Variants in CHODL observed in about 807,000 individuals in gnomAD.
CHODL encodes chondrolectin.
In CHODL, 29 loss-of-function variants were observed where a neutral mutation model predicts 34.5. That is an observed-to-expected ratio of 0.84 (90% CI 0.63 to 1.15). The LOEUF (loss-of-function observed/expected upper bound fraction) is 1.15, where lower values mean the gene tolerates loss of function less well. CHODL is among the 50% of genes most tolerant of loss of function. The probability of loss-of-function intolerance (pLI) is 0.00; values close to 1 mark genes in which losing one functional copy is unlikely to be tolerated. For missense variants in CHODL, 332 were observed against 332.5 expected (o/e 1.00, Z 0.01); for synonymous variants, 125 against 116.1 (o/e 1.08, Z -0.49).
At chr21:18,117,465 G>T (rs2065426390) in intron 2 of CHODL, among the ~76,000 whole-genome samples, 1 of 152,148 alleles carries the variant, frequency 6.6e-6, no homozygotes. Context: ...GGCTTCTCCT[G>T]CCTCCTTGGT....
chr21:18,219,577 C>T (rs1317613721), intron 2 of CHODL, among the ~76,000 whole-genome samples: 4 of 152,116 alleles, frequency 2.6e-5, no homozygotes, highest in Admixed American at 2.6e-4. Context: ...TCTCCACATC[C>T]TCCCAAACTC....
intron 2 of CHODL, among the ~76,000 whole-genome samples, chr21:18,083,780 G>A (rs1024362851): frequency 6.6e-6 from 1 of 152,176 alleles, no homozygotes; most frequent in Non-Finnish European, 1.5e-5. Context: ...TTTATCCAAT[G>A]CCTGTATTCC....
chr21:18,184,449 AATG>A (rs764746106), intron 2 of CHODL, among the ~76,000 whole-genome samples: 10 of 152,338 alleles, frequency 6.6e-5, no homozygotes, highest in East Asian at 5.8e-4. Context: ...TGAAGAATTA[AATG>A]ATGATAGGAA....
chr21:17,989,755 C>T (rs769123194), intron 1 of CHODL, among the ~76,000 whole-genome samples: 11 of 152,168 alleles, frequency 7.2e-5, no homozygotes, highest in Non-Finnish European at 1.6e-4. Flanking sequence ...TATTTACAAT[C>T]CACGTAAACA....
chr21:18,019,757 G>A (rs796584799), intron 1 of CHODL, among the ~76,000 whole-genome samples: 4 of 152,008 alleles, frequency 2.6e-5, no homozygotes, highest in African/African-American at 9.6e-5. Flanking sequence ...CATCTCTTAC[G>A]CACATTACAT....
At chr21:17,921,631 G>A (rs1190366033) in intron 1 of CHODL, among the ~76,000 whole-genome samples, 1 of 152,232 alleles carries the variant, frequency 6.6e-6, no homozygotes, top group Non-Finnish European at 1.5e-5. Flanking sequence ...GAATTGAGAC[G>A]TGTGAGAAAT....
At chr21:18,248,275 T>C (rs1000213435) in intron 1 of CHODL, among the ~76,000 whole-genome samples, 1 of 151,728 alleles carries the variant, frequency 6.6e-6, no homozygotes, top group African/African-American at 2.4e-5. Flanking sequence ...TAATACAATA[T>C]GATATAATAT....
chr21:17,951,126 G>GTGTA (rs925821318), intron 1 of CHODL, among the ~76,000 whole-genome samples: 15 of 151,906 alleles, frequency 9.9e-5, no homozygotes, highest in African/African-American at 2.2e-4. Flanking sequence ...GTGTGTGTGT[G>GTGTA]TGTGTGTGTG....
At chr21:18,127,587 C>G (rs868273608) in intron 2 of CHODL, among the ~76,000 whole-genome samples, 5 of 148,816 alleles carry the variant, frequency 3.4e-5, no homozygotes, top group Middle Eastern at 7.5e-3. Context: ...AAAACATGTC[C>G]AAGAATTGGC....
upstream of CHODL, among the ~76,000 whole-genome samples, chr21:18,240,221 G>A (rs552633575): frequency 9.2e-5 from 14 of 152,004 alleles, no homozygotes; most frequent in Non-Finnish European, 1.8e-4. Flanking sequence ...TAGAAGCATA[G>A]CATCTATATA....
chr21:18,116,760 A>ACCTGCTAGGGAGTT (rs2065418156), intron 2 of CHODL, among the ~76,000 whole-genome samples: 2 of 152,206 alleles, frequency 1.3e-5, no homozygotes, highest in African/African-American at 4.8e-5. Flanking sequence ...TGGGTGAATC[A>ACCTGCTAGGGAGTT]GAAGACGTCA....
chr21:18,091,977 C>T (rs570658349), intron 2 of CHODL, among the ~76,000 whole-genome samples: 60 of 152,094 alleles, frequency 3.9e-4, no homozygotes, highest in Non-Finnish European at 8.1e-4. Context: ...TGACTTCAAT[C>T]TCTGGCTCCC....
At chr21:18,155,568 T>C (rs1466722098) in intron 2 of CHODL, among the ~76,000 whole-genome samples, 1 of 152,210 alleles carries the variant, frequency 6.6e-6, no homozygotes, top group Non-Finnish European at 1.5e-5. Flanking sequence ...CCAAGAAGAA[T>C]GTGAATTCAA....
intron 1 of CHODL, among the ~76,000 whole-genome samples, chr21:17,999,014 C>G (rs1210226347): frequency 6.6e-6 from 1 of 152,174 alleles, no homozygotes; most frequent in African/African-American, 2.4e-5. Flanking sequence ...TTTTCTGAAC[C>G]TTTATGCTGT....
At chr21:18,177,654 C>T (rs753283194) in intron 2 of CHODL, among the ~76,000 whole-genome samples, 44 of 152,024 alleles carry the variant, frequency 2.9e-4, no homozygotes, top group Non-Finnish European at 4.1e-4. Context: ...TGAACAAAAT[C>T]GTACCAGTCT....
At chr21:18,259,312 G>C (rs2074352594) in intron 3 of CHODL, among the ~76,000 whole-genome samples, 1 of 151,546 alleles carries the variant, frequency 6.6e-6, no homozygotes, top group Admixed American at 6.6e-5. Flanking sequence ...TTAAGGAAAA[G>C]AAAAATAGAA....
At chr21:18,086,041 CTTTTTTTTTTTTTTT>C (rs3984977) in intron 2 of CHODL, among the ~76,000 whole-genome samples, 29 of 38,750 alleles carry the variant, frequency 7.5e-4, no homozygotes, top group African/African-American at 2.2e-3. Flanking sequence ...AGACTTTGTT[CTTTTTTTTTTTTTTT>C]TTTTTTTTTT....
intron 1 of CHODL, among the ~76,000 whole-genome samples, chr21:17,932,960 A>C (rs113863581): frequency 2.6e-5 from 4 of 152,314 alleles, no homozygotes; most frequent in South Asian, 2.1e-4. Flanking sequence ...AGTGGAGAGA[A>C]GGTCAGCAGA....
At chr21:18,047,319 A>T (rs2064456338) in intron 2 of CHODL, among the ~76,000 whole-genome samples, 1 of 151,968 alleles carries the variant, frequency 6.6e-6, no homozygotes, top group South Asian at 2.1e-4. Flanking sequence ...GGCATTGATA[A>T]TTGTGAGAGA....
Sources: allele counts gnomAD v4.1 joint callset (sites outside exome capture counted in the v4.1 genomes callset), GRCh38; gene constraint gnomAD v4.1.1; transcripts MANE v1.5; gene names NCBI Gene and HGNC (gene_info 2026-07-23, HGNC 2026-07-21).